The following PVT1 variants were observed in gnomAD, a reference collection of about 807,000 sequenced individuals.
PVT1 encodes Pvt1 oncogene.
intron 5 of PVT1, among the ~76,000 whole-genome samples, chr8:128,085,448 C>T (rs1045529412): frequency 2.0e-5 from 3 of 152,086 alleles, no homozygotes; most frequent in Non-Finnish European, 2.9e-5. Flanking sequence ...GAGAACCCCA[C>T]CTTAACTCTT....
chr8:128,018,271 A>T (rs959770919), intron 4 of PVT1, among the ~76,000 whole-genome samples: 2 of 152,244 alleles, frequency 1.3e-5, no homozygotes, highest in Non-Finnish European at 2.9e-5. Context: ...AGGTCACATA[A>T]AGTCACCCAC....
chr8:127,970,299 T>G (rs1386207007), intron 3 of PVT1, among the ~76,000 whole-genome samples: 4 of 122,348 alleles, frequency 3.3e-5, no homozygotes, highest in African/African-American at 1.2e-4. Flanking sequence ...GTTTTTTTTT[T>G]TTTTTTTTTT....
chr8:127,824,255 A>C (rs1187347124), intron 2 of PVT1, among the ~76,000 whole-genome samples: 1 of 152,212 alleles, frequency 6.6e-6, no homozygotes, highest in Non-Finnish European at 1.5e-5. Flanking sequence ...TTTTACTGTA[A>C]AATGGGAATA....
chr8:128,072,332 A>G (rs1814008183), intron 5 of PVT1, among the ~76,000 whole-genome samples: 1 of 152,230 alleles, frequency 6.6e-6, no homozygotes, highest in Non-Finnish European at 1.5e-5. Flanking sequence ...CCACAGAACA[A>G]GCATGCATGG....
chr8:127,844,818 A>G (rs1276177592), intron 2 of PVT1, among the ~76,000 whole-genome samples: 1 of 151,714 alleles, frequency 6.6e-6, no homozygotes, highest in Non-Finnish European at 1.5e-5. Context: ...GGTTCATGCC[A>G]TTCTCCTGCC....
At chr8:127,904,082 G>A (rs1316703903) in intron 3 of PVT1, among the ~76,000 whole-genome samples, 2 of 152,080 alleles carry the variant, frequency 1.3e-5, no homozygotes, top group African/African-American at 2.4e-5. Flanking sequence ...CCATTTATTT[G>A]TGTCATGTCT....
intron 4 of PVT1, among the ~76,000 whole-genome samples, chr8:128,005,846 G>A (rs1045180821): frequency 2.0e-5 from 3 of 152,142 alleles, no homozygotes; most frequent in East Asian, 1.9e-4. Flanking sequence ...GCTCACACCC[G>A]CAATGCCAGC....
At chr8:127,953,056 G>T (rs749678139) in intron 3 of PVT1, among the ~76,000 whole-genome samples, 15 of 152,200 alleles carry the variant, frequency 9.9e-5, no homozygotes, top group African/African-American at 3.4e-4. Flanking sequence ...GAGCCACCGC[G>T]TCCGGCCCGT....
chr8:127,943,003 C>T (rs1041987160), intron 3 of PVT1, among the ~76,000 whole-genome samples: 1 of 152,226 alleles, frequency 6.6e-6, no homozygotes, highest in African/African-American at 2.4e-5. Flanking sequence ...AGTGACCCAT[C>T]TTCCCAGGTC....
intron 2 of PVT1, among the ~76,000 whole-genome samples, chr8:127,837,381 C>T (rs1163897983): frequency 1.5e-5 from 2 of 133,536 alleles, no homozygotes; most frequent in East Asian, 4.1e-4. Flanking sequence ...ATCACTGAAG[C>T]GTTTTTTGTT....
chr8:127,796,712 T>G (rs1814400466), intron 2 of PVT1, among the ~76,000 whole-genome samples: 1 of 152,160 alleles, frequency 6.6e-6, no homozygotes, highest in Admixed American at 6.5e-5. Context: ...CTTTGGATAG[T>G]TGCCGGTCCA....
At chr8:127,808,021 G>T (rs1814546966) in intron 2 of PVT1, among the ~76,000 whole-genome samples, 1 of 151,738 alleles carries the variant, frequency 6.6e-6, no homozygotes, top group Non-Finnish European at 1.5e-5. Flanking sequence ...ACCCGCCTCA[G>T]CCTCCCACAG....
chr8:127,978,074 T>G (rs7011799), intron 3 of PVT1, among the ~76,000 whole-genome samples: 23,695 of 152,210 alleles, frequency 0.16, 2,356 homozygotes, highest in African/African-American at 0.27. Context: ...GCATGCTTAC[T>G]TCCACACTGT....
intron 4 of PVT1, among the ~76,000 whole-genome samples, chr8:128,041,660 G>A (rs1010345774): frequency 6.7e-6 from 1 of 150,190 alleles, no homozygotes; most frequent in Non-Finnish European, 1.5e-5. Flanking sequence ...TGTGTATTTT[G>A]TGAGTGCGTG....
chr8:128,024,626 CAA>C (rs113302754), intron 4 of PVT1, among the ~76,000 whole-genome samples: 27 of 143,954 alleles, frequency 1.9e-4, no homozygotes, highest in Non-Finnish European at 2.0e-4. Context: ...GACCCTGTCT[CAA>C]AAAAAAAAAG....
chr8:128,096,594 G>C (rs767593154), exon 6 of PVT1: 1 of 152,078 alleles, frequency 6.6e-6, no homozygotes, highest in African/African-American at 2.4e-5. Flanking sequence ...AGGCTGAGGA[G>C]TTCACTGAGG....
chr8:128,026,740 C>T (rs1042504687), intron 4 of PVT1, among the ~76,000 whole-genome samples: 2 of 152,196 alleles, frequency 1.3e-5, no homozygotes, highest in African/African-American at 4.8e-5. Flanking sequence ...TTGGCCTTCT[C>T]CTTATAGTCT....
chr8:128,028,801 T>G (rs1048419403), intron 4 of PVT1, among the ~76,000 whole-genome samples: 2 of 152,206 alleles, frequency 1.3e-5, no homozygotes, highest in East Asian at 3.8e-4. Flanking sequence ...AAGACTCGTG[T>G]GAAAGAGGGG....
At chr8:127,952,804 G>C (rs577281746) in intron 3 of PVT1, among the ~76,000 whole-genome samples, 1 of 151,188 alleles carries the variant, frequency 6.6e-6, no homozygotes, top group Non-Finnish European at 1.5e-5. Context: ...TCGCTCTGTG[G>C]CCCAGGCTGG....
Sources: gnomAD v4.1 joint callset for allele counts (sites outside exome capture counted in the v4.1 genomes callset) on GRCh38, gnomAD v4.1.1 for gene constraint, MANE v1.5 for transcripts, NCBI Gene and HGNC (gene_info 2026-07-23, HGNC 2026-07-21) for gene names.